Variants in CADM2 observed in about 807,000 individuals in gnomAD.
CADM2 encodes immunoglobulin superfamily member 4D.
CADM2 carries 12 observed loss-of-function variants against 49.8 expected under a neutral mutation model. The ratio of observed to expected loss-of-function variants is 0.24; its 90% CI spans 0.15 to 0.39. The LOEUF (loss-of-function observed/expected upper bound fraction) is 0.39, where lower values mean the gene tolerates loss of function less well. Ranked by LOEUF, CADM2 falls within the 10% of genes least tolerant of loss-of-function variation. The probability of loss-of-function intolerance (pLI) is 1.00; values close to 1 mark genes in which losing one functional copy is unlikely to be tolerated. For missense variants in CADM2, 378 were observed against 492.3 expected, an observed-to-expected ratio of 0.77 and a Z score of 2.20; for synonymous variants, 214 against 175.4, an observed-to-expected ratio of 1.22 and a Z score of -1.74.
At chr3:85,603,029 T>G (rs1180786407) in intron 1 of CADM2, among the ~76,000 whole-genome samples, 5 of 151,826 alleles carry the variant, frequency 3.3e-5, no homozygotes, top group Non-Finnish European at 5.9e-5. Context: ...TTATAGTGTC[T>G]TTCATATCTC....
chr3:85,438,253 A>G (rs1257347995), intron 1 of CADM2, among the ~76,000 whole-genome samples: 2 of 152,074 alleles, frequency 1.3e-5, no homozygotes, highest in African/African-American at 4.8e-5. Flanking sequence ...AAGACATTCA[A>G]TTGGTTTCCA....
intron 1 of CADM2, among the ~76,000 whole-genome samples, chr3:85,432,491 T>C: frequency 6.6e-6 from 1 of 152,248 alleles, no homozygotes; most frequent in Non-Finnish European, 1.5e-5. Context: ...TTTGAATGGT[T>C]GAATTTTATT....
intron 3 of CADM2, among the ~76,000 whole-genome samples, chr3:85,848,874 AT>A (rs564159868): frequency 3.3e-5 from 5 of 151,646 alleles, no homozygotes; most frequent in African/African-American, 9.7e-5. Context: ...CTAGAAACAG[AT>A]TTTTTTTTAG....
chr3:85,615,062 G>A (rs1041612550), intron 1 of CADM2, among the ~76,000 whole-genome samples: 1 of 151,886 alleles, frequency 6.6e-6, no homozygotes, highest in Non-Finnish European at 1.5e-5. Flanking sequence ...GAATGTGCAT[G>A]TGTATATCAA....
intron 1 of CADM2, among the ~76,000 whole-genome samples, chr3:85,375,845 G>C (rs1418264379): frequency 6.6e-6 from 1 of 151,920 alleles, no homozygotes; most frequent in Admixed American, 6.6e-5. Flanking sequence ...GACAATTGAG[G>C]GTCATTTGTA....
intron 1 of CADM2, among the ~76,000 whole-genome samples, chr3:85,431,391 C>T (rs374603987): frequency 1.3e-5 from 2 of 152,054 alleles, no homozygotes; most frequent in Admixed American, 6.6e-5. Context: ...ATTTTTACCT[C>T]ATTGGATAAG....
At chr3:85,350,151 A>T (rs1395182137) in intron 1 of CADM2, among the ~76,000 whole-genome samples, 3 of 152,190 alleles carry the variant, frequency 2.0e-5, no homozygotes, top group South Asian at 4.1e-4. Flanking sequence ...GAATTATTTT[A>T]GTTCTTAGTG....
At chr3:85,629,301 A>G (rs2064232490) in intron 1 of CADM2, among the ~76,000 whole-genome samples, 1 of 151,954 alleles carries the variant, frequency 6.6e-6, no homozygotes, top group African/African-American at 2.4e-5. Flanking sequence ...TTTTGTCAAC[A>G]AAATGGAGGA....
intron 1 of CADM2, among the ~76,000 whole-genome samples, chr3:85,265,467 GA>G (rs2043102808): frequency 6.6e-6 from 1 of 151,984 alleles, no homozygotes; most frequent in African/African-American, 2.4e-5. Context: ...ATGGTGGAAA[GA>G]GGAAGGACAA....
At chr3:85,315,019 A>G (rs1398077409) in intron 1 of CADM2, among the ~76,000 whole-genome samples, 3 of 152,182 alleles carry the variant, frequency 2.0e-5, no homozygotes, top group Non-Finnish European at 4.4e-5. Context: ...AGTAGTTGGC[A>G]GGGCCATGCT....
chr3:85,225,187 T>G (rs1225362630), intron 1 of CADM2, among the ~76,000 whole-genome samples: 4 of 152,194 alleles, frequency 2.6e-5, no homozygotes, highest in African/African-American at 9.6e-5. Flanking sequence ...TCAATTACTT[T>G]GGGCAGTATG....
intron 1 of CADM2, among the ~76,000 whole-genome samples, chr3:85,240,591 T>TTG (rs1412687713): frequency 6.6e-6 from 1 of 151,538 alleles, no homozygotes; most frequent in African/African-American, 2.4e-5. Flanking sequence ...TCTAAGTGTG[T>TTG]TGTAGCAATA....
Position 85,569,547 on chromosome 3 carries a change from G to C in CADM2, c.62-156975G>C, listed in dbSNP as rs183283710. The stretch of plus-strand genomic sequence containing the variant: ...TTCTAGCTTCCAGCCAGCAATATAC[G>C]AGTGACCCTGTCCCCACATCTTTGC... On this transcript the variant is annotated intron_variant, in intron 1 of 9. Transcript: ENST00000383699. Among the ~76,000 whole-genome samples, 11 of 152,106 alleles carry C rather than the reference G, an allele frequency of 7.2e-5. 1 individual carries two copies. In the East Asian group the frequency reaches 2.1e-3, roughly 30 times the overall value.
chr3:85,565,096 A>C (rs146705821), intron 1 of CADM2, among the ~76,000 whole-genome samples: 74 of 152,210 alleles, frequency 4.9e-4, no homozygotes, highest in Admixed American at 4.8e-3. Context: ...TGCAGATGGT[A>C]TCATGCCAAT....
chr3:85,064,412 C>A (rs1304465873), intron 1 of CADM2, among the ~76,000 whole-genome samples: 2 of 151,948 alleles, frequency 1.3e-5, no homozygotes, highest in African/African-American at 2.4e-5. Flanking sequence ...TTTTTGTGAT[C>A]TTCTATTATT....
intron 8 of CADM2, among the ~76,000 whole-genome samples, chr3:86,061,132 T>C (rs1016116606): frequency 3.9e-5 from 6 of 152,222 alleles, no homozygotes; most frequent in Middle Eastern, 3.4e-3. Flanking sequence ...CTACACAACT[T>C]ACTAAAAGAC....
chr3:84,978,168 G>C (rs1394417419), intron 1 of CADM2, among the ~76,000 whole-genome samples: 3 of 152,004 alleles, frequency 2.0e-5, no homozygotes, highest in Admixed American at 2.0e-4. Context: ...AAATATTTGT[G>C]TCACTATCAG....
intron 1 of CADM2, among the ~76,000 whole-genome samples, chr3:85,278,707 T>G (rs2043418903): frequency 7.3e-6 from 1 of 136,580 alleles, no homozygotes; most frequent in Non-Finnish European, 1.6e-5. Context: ...ATGTTCTCAC[T>G]GCTGATGTTC....
intron 1 of CADM2, among the ~76,000 whole-genome samples, chr3:85,239,315 T>C (rs1380907767): frequency 6.6e-6 from 1 of 151,784 alleles, no homozygotes; most frequent in Non-Finnish European, 1.5e-5. Flanking sequence ...TGGCAGACTG[T>C]GTGAAAAACA....
Sources: allele counts gnomAD v4.1 joint callset (sites outside exome capture counted in the v4.1 genomes callset), GRCh38; gene constraint gnomAD v4.1.1; transcripts MANE v1.5; gene names NCBI Gene and HGNC (gene_info 2026-07-23, HGNC 2026-07-21).